Variants in NAV2 observed in about 807,000 individuals in gnomAD.
The protein encoded by NAV2 is neuron navigator 2.
In NAV2, 54 loss-of-function variants were observed where a neutral mutation model predicts 223.2. The observed-to-expected ratio is 0.24, with a 90% CI of 0.19 to 0.30. The LOEUF (loss-of-function observed/expected upper bound fraction) is 0.30. NAV2 is among the 10% of genes least tolerant of loss of function. NAV2 has a pLI of 1.00. For synonymous variants in NAV2, 1,279 were observed against 1,239.3 expected (o/e 1.03, Z -0.67); for missense variants, 2,806 against 3,147.5 (o/e 0.89, Z 2.60).
chr11:19,984,195 G>A lies in NAV2; in HGVS notation c.2716G>A (p.Val906Ile). The part of the protein sequence containing the change: ...LNRLPDGMAV[V>I]RETLQRNTSL... ...CCGGCTCCCTGATGGGATGGCTGTG[G>A]TACGGGAGACCCTGCAACGAAATAC... The change falls in exon 11 of 38, where the codon GTA becomes ATA. Residue 906 changes from valine to isoleucine, a missense_variant. By Grantham distance (29) the Val-to-Ile change is conservative. Coordinates refer to ENST00000349880, the MANE Select transcript of NAV2 (RefSeq NM_145117.5). 3 of 1,614,206 alleles carry A rather than the reference G, an allele frequency of 1.9e-6. No homozygotes were observed. Among genetic ancestry groups the A allele is most frequent in the African/African-American group, 1.3e-5 (1 of 75,042 alleles).
At chr11:19,999,304 T>C (rs1392342317) in intron 11 of NAV2, among the ~76,000 whole-genome samples, 1 of 152,250 alleles carries the variant, frequency 6.6e-6, no homozygotes, top group African/African-American at 2.4e-5. Flanking sequence ...AATCGGGTTA[T>C]TCATGTTCAG....
chr11:19,707,676 A>G (rs189938525), intron 1 of NAV2, among the ~76,000 whole-genome samples: 3 of 152,360 alleles, frequency 2.0e-5, no homozygotes, highest in Non-Finnish European at 1.5e-5. Flanking sequence ...CAGTAAATAC[A>G]TGAACCCATA....
intron 1 of NAV2, among the ~76,000 whole-genome samples, chr11:19,477,451 T>C (rs1009148587): frequency 6.6e-6 from 1 of 152,204 alleles, no homozygotes; most frequent in Non-Finnish European, 1.5e-5. Context: ...TACCTTACAG[T>C]CCTACAAGTA....
At position 19,652,160 on chromosome 11, in the gene NAV2, T is replaced by G. The variant is rs912787069; in HGVS notation, c.76-180324T>G. Reference sequence around the variant, plus strand: ...TAGAAAAAAATGCCACTTGTCCCCCTACAATCCCAGCTAACAGAAGCCTTC... The same window carrying G: ...TAGAAAAAAATGCCACTTGTCCCCCGACAATCCCAGCTAACAGAAGCCTTC... On this transcript the variant is annotated intron_variant, in intron 1 of 37. Transcript: ENST00000360655. 5.3e-5 allele frequency among the ~76,000 whole-genome samples: 8 copies of G among 152,180 alleles called. No homozygotes were observed. The East Asian group carries it at 1.3e-3, about 26-fold the overall frequency.
At chr11:19,995,733 G>C (rs1565726594) in intron 11 of NAV2, among the ~76,000 whole-genome samples, 1 of 152,158 alleles carries the variant, frequency 6.6e-6, no homozygotes, top group Non-Finnish European at 1.5e-5. Context: ...GTTCTAATTG[G>C]AGCTTCACCA....
chr11:19,481,126 A>T (rs1323272709), intron 1 of NAV2, among the ~76,000 whole-genome samples: 1 of 152,144 alleles, frequency 6.6e-6, no homozygotes, highest in Non-Finnish European at 1.5e-5. Context: ...GAATCAAATC[A>T]CCAGTGTCTA....
chr11:20,012,828 G>A (rs2053680773), intron 11 of NAV2, among the ~76,000 whole-genome samples: 1 of 152,188 alleles, frequency 6.6e-6, no homozygotes, highest in African/African-American at 2.4e-5. Context: ...CAAAAATCCA[G>A]AGGTGATAAA....
chr11:20,077,013 C>A (rs950233512), intron 22 of NAV2, among the ~76,000 whole-genome samples: 1 of 152,106 alleles, frequency 6.6e-6, no homozygotes, highest in African/African-American at 2.4e-5. Flanking sequence ...GCAAACTACG[C>A]CAACCATTTT....
At chr11:20,085,794 A>G (rs1289890064) in intron 26 of NAV2, among the ~76,000 whole-genome samples, 1 of 152,162 alleles carries the variant, frequency 6.6e-6, no homozygotes, top group Non-Finnish European at 1.5e-5. Context: ...GGGTTTGGAG[A>G]GTGCAGAGGA....
intron 1 of NAV2, among the ~76,000 whole-genome samples, chr11:19,524,762 A>T (rs1271425049): frequency 6.6e-6 from 1 of 152,042 alleles, no homozygotes; most frequent in East Asian, 1.9e-4. Context: ...CCACTCTCAA[A>T]TTTTCCTAAG....
At chr11:19,442,395 C>A (rs925714871) in intron 1 of NAV2, among the ~76,000 whole-genome samples, 4 of 152,216 alleles carry the variant, frequency 2.6e-5, no homozygotes, top group Admixed American at 1.3e-4. Flanking sequence ...ATAAGGCTGG[C>A]TGATACATAA....
chr11:19,751,334 A>C (rs751403974), intron 1 of NAV2, among the ~76,000 whole-genome samples: 1 of 152,004 alleles, frequency 6.6e-6, no homozygotes, highest in Admixed American at 6.6e-5. Context: ...TGACTCATTT[A>C]CTCTTAGACT....
chr11:19,725,342 C>T (rs2051147318), intron 1 of NAV2, among the ~76,000 whole-genome samples: 1 of 152,194 alleles, frequency 6.6e-6, no homozygotes, highest in South Asian at 2.1e-4. Context: ...GCCCACTAAA[C>T]CCAAGTCTAG....
chr11:19,898,292 C>G (rs1220674462), intron 6 of NAV2, among the ~76,000 whole-genome samples: 1 of 152,044 alleles, frequency 6.6e-6, no homozygotes, highest in East Asian at 1.9e-4. Context: ...GACAAAGAAC[C>G]CTACATAGCC....
rs530346630 is a variant in NAV2, at chr11:19,737,384, C to G, written c.267+23422C>G. On this transcript the variant is annotated intron_variant, in intron 1 of 37. Coordinates refer to ENST00000349880, the MANE Select transcript of NAV2 (RefSeq NM_145117.5). ...GTGCACAAGAAGGACAGAACCCATA[C>G]TTTCACGGATCTTACAGCCTGGTTG... Among the ~76,000 whole-genome samples, 3 of 152,314 alleles carry G rather than the reference C, an allele frequency of 2.0e-5. No homozygotes were observed. The East Asian group carries it at 5.8e-4, about 29-fold the overall frequency.
At chr11:20,079,324 A>G (rs1394969022) in intron 24 of NAV2, among the ~76,000 whole-genome samples, 1 of 152,192 alleles carries the variant, frequency 6.6e-6, no homozygotes, top group Non-Finnish European at 1.5e-5. Context: ...TACAGGCATG[A>G]TCCACTACAC....
chr11:19,390,504 A>G (rs1849205336), intron 1 of NAV2, among the ~76,000 whole-genome samples: 1 of 152,238 alleles, frequency 6.6e-6, no homozygotes, highest in Admixed American at 6.5e-5. Flanking sequence ...AGGGTGAACA[A>G]TATAGGCAAA....
intron 1 of NAV2, among the ~76,000 whole-genome samples, chr11:19,464,228 T>C (rs1852268209): frequency 6.6e-6 from 1 of 152,072 alleles, no homozygotes; most frequent in Non-Finnish European, 1.5e-5. Flanking sequence ...AAAAATGCCA[T>C]CCCTGCTTTA....
At chr11:20,117,630 A>C (rs941169567) in intron 37 of NAV2, among the ~76,000 whole-genome samples, 21 of 152,106 alleles carry the variant, frequency 1.4e-4, no homozygotes, top group Non-Finnish European at 2.8e-4. Flanking sequence ...AGCAAGGAGA[A>C]GAGATGGGTT....
Sources: gnomAD v4.1 joint callset for allele counts (sites outside exome capture counted in the v4.1 genomes callset) on GRCh38, gnomAD v4.1.1 for gene constraint, MANE v1.5 for transcripts, NCBI Gene and HGNC (gene_info 2026-07-23, HGNC 2026-07-21) for gene names.